The following ITGAV variants were observed in gnomAD, a reference collection of about 807,000 sequenced individuals.
The protein encoded by ITGAV is integrin subunit alpha V.
ITGAV carries 76 observed loss-of-function variants against 143.8 expected under a neutral mutation model. The observed-to-expected ratio is 0.53, with a 90% CI of 0.44 to 0.64. The LOEUF is 0.64. Ranked by LOEUF, ITGAV falls within the 30% of genes least tolerant of loss-of-function variation. The pLI, the probability that ITGAV is intolerant of heterozygous loss-of-function variation, is 0.00. For missense variants in ITGAV, 1,193 were observed against 1,274.7 expected, an observed-to-expected ratio of 0.94 and a Z score of 0.98; for synonymous variants, 453 against 446.7, an observed-to-expected ratio of 1.01 and a Z score of -0.18.
chr2:186,605,659 A>G (rs1296344024), intron 2 of ITGAV, among the ~76,000 whole-genome samples: 1 of 151,696 alleles, frequency 6.6e-6, no homozygotes, highest in Admixed American at 6.6e-5. Flanking sequence ...TTAGTGCTGA[A>G]TAAATTGAAG....
At position 186,677,382 on chromosome 2, in the gene ITGAV, C is replaced by A; in HGVS notation, c.*90C>A. On this transcript the variant is annotated 3_prime_UTR_variant, in exon 30 of 30. Transcript: ENST00000261023. ...ACTTTCTTCATGAGGAGTAAAAATC[C>A]AAGGCTTTACTGCTGATAGTGCTAA... The A allele has an allele frequency of 1.1e-6, 1 of 907,002 alleles. No homozygotes were observed. The highest frequency in any genetic ancestry group is 1.8e-6 in the Non-Finnish European group (1 of 569,244). 56.2% of individuals were successfully genotyped at this position (907,002 alleles called of 1,614,324 possible). A position where few individuals can be genotyped will look rare whatever the true frequency, so the allele number is the denominator to read the frequency against.
intron 2 of ITGAV, among the ~76,000 whole-genome samples, chr2:186,614,001 A>G (rs1382411227): frequency 6.6e-6 from 1 of 152,140 alleles, no homozygotes; most frequent in Non-Finnish European, 1.5e-5. Context: ...AGCTTGTGTG[A>G]TTAAAATTTT....
chr2:186,611,747 C>T (rs1225274097), intron 2 of ITGAV, among the ~76,000 whole-genome samples: 2 of 152,112 alleles, frequency 1.3e-5, no homozygotes, highest in African/African-American at 4.8e-5. Context: ...ACCTACCTCT[C>T]AGGGTTGCCA....
intron 12 of ITGAV, among the ~76,000 whole-genome samples, chr2:186,641,855 C>A (rs1048198571): frequency 6.6e-6 from 1 of 152,292 alleles, no homozygotes; most frequent in South Asian, 2.1e-4. Flanking sequence ...TGAAAGGAAC[C>A]TTCATTACCC....
intron 15 of ITGAV, 66 bp downstream of exon 15, chr2:186,652,155 A>T: frequency 1.0e-6 from 1 of 982,142 alleles, no homozygotes; most frequent in Non-Finnish European, 1.6e-6. Context: ...AGAACAATTG[A>T]AAATGAAGGT....
At chr2:186,609,037 G>A (rs1288311383) in intron 2 of ITGAV, among the ~76,000 whole-genome samples, 3 of 152,092 alleles carry the variant, frequency 2.0e-5, no homozygotes, top group Non-Finnish European at 4.4e-5. Context: ...GTCTGTTTGG[G>A]TGAGTCTAAG....
Position 186,625,676 on chromosome 2 carries a change from TGTGA to T in ITGAV, c.523+91_523+94del, listed in dbSNP as rs753750451. The T allele has an allele frequency of 1.6e-4, 91 of 557,206 alleles. 2 individuals carry two copies. Among genetic ancestry groups the T allele is most frequent in the Middle Eastern group, 1.2e-3 (4 of 3,366 alleles). The allele number at this position is 557,206 out of a possible 1,614,324, so 34.5% of individuals were successfully genotyped here. The stretch of plus-strand genomic sequence containing the variant: ...ATGTGTGTGTGGGTGTGTGTGTGTG[TGTGA>T]GAGAGAGAGATATTAAAAGATATAG... On this transcript the variant is annotated intron_variant, in intron 4 of 29. Transcript: ENST00000261023.
intron 10 of ITGAV, among the ~76,000 whole-genome samples, chr2:186,640,169 G>C (rs1688062509): frequency 1.3e-5 from 2 of 151,992 alleles, no homozygotes; most frequent in African/African-American, 4.8e-5. Context: ...TGCACTTTCA[G>C]CTCTCTTTAG....
Position 186,636,191 on chromosome 2 carries a change from T to C in ITGAV, c.741T>C (p.Phe247=). ...QLATRTAQAI[F]DDSYLGYSVA... ...CAACTCGGACTGCACAAGCTATTTT[T>C]GATGACAGCTATTTGGGTAGGTAAA... Residue 247 remains phenylalanine, a synonymous_variant, in exon 7 of 30, where the codon TTT becomes TTC. Transcript: ENST00000261023. The C allele has an allele frequency of 6.2e-7, 1 of 1,612,430 alleles. No homozygotes were observed. The highest frequency in any genetic ancestry group is 8.5e-7 in the Non-Finnish European group (1 of 1,179,338).
intron 10 of ITGAV, 121 bp downstream of exon 10, chr2:186,638,586 C>A: frequency 1.4e-6 from 1 of 709,626 alleles, no homozygotes; most frequent in Non-Finnish European, 2.4e-6. Context: ...ATAATTCTTC[C>A]AACTCTTACC....
intron 7 of ITGAV, among the ~76,000 whole-genome samples, chr2:186,636,427 ATAGC>A (rs1267927796): frequency 2.6e-5 from 4 of 152,236 alleles, no homozygotes; most frequent in African/African-American, 9.6e-5. Flanking sequence ...GATAATAATA[ATAGC>A]TAGCCTTTAA....
intron 13 of ITGAV, 64 bp from the exon 14 acceptor site, chr2:186,649,776 A>G: frequency 9.3e-7 from 1 of 1,074,118 alleles, no homozygotes; most frequent in Non-Finnish European, 1.3e-6. Flanking sequence ...AAAATTTTAT[A>G]GAATGGTATA....
Position 186,675,867 on chromosome 2 carries a change from T to G in ITGAV, c.2868T>G (p.Phe956Leu). 1 of 1,609,984 alleles carries G rather than the reference T, an allele frequency of 6.2e-7. No individual in the cohort carries two copies. ...HSYSLKSSAS[F>L]NVIEFPYKNL... is the part of the protein sequence containing the mutation. ...ATTCTCTGAAGTCGTCTGCTTCATT[T>G]AATGTCATAGAGTTTCCTTATAAGA... Residue 956 changes from phenylalanine (F) to leucine (L), a missense_variant, in exon 28 of 30, where the codon TTT (phenylalanine) becomes TTG (leucine). By Grantham distance (22) the Phe-to-Leu change is conservative. Coordinates refer to ENST00000261023, the MANE Select transcript of ITGAV (RefSeq NM_002210.5).
At chr2:186,601,934 C>G in intron 1 of ITGAV, 87 bp from the exon 2 acceptor site, 1 of 1,311,078 alleles carries the variant, frequency 7.6e-7, no homozygotes. Context: ...TAGATAATAT[C>G]AAGAGAATGA....
chr2:186,598,517 A>C (rs936076746), intron 1 of ITGAV, among the ~76,000 whole-genome samples: 5 of 148,102 alleles, frequency 3.4e-5, no homozygotes, highest in Admixed American at 2.8e-4. Context: ...GGCTCACTGC[A>C]ATCTCCACCT....
Position 186,675,935 on chromosome 2 carries a change from A to G in ITGAV, c.2928+8A>G. On this transcript the variant is annotated splice_region_variant and intron_variant, in intron 28 of 29. Coordinates refer to ENST00000261023, the MANE Select transcript of ITGAV (RefSeq NM_002210.5). ...ATCACCAACTCCACATTGGTAAGTC[A>G]TTGGTTTAGGCAAATAGAATAAATT... 1.4e-6 allele frequency: 2 copies of G among 1,412,560 alleles called. No homozygotes were observed. Among genetic ancestry groups the G allele is most frequent in the Non-Finnish European group, 2.0e-6 (2 of 999,286 alleles). The allele number at this position is 1,412,560 out of a possible 1,614,324, so 87.5% of individuals were successfully genotyped here.
chr2:186,616,273 A>ATT lies in ITGAV; in HGVS notation c.317-6044_317-6043dup, dbSNP rs35938539. ...CAGCTCTGAGTCAATGATATACCTT[A>ATT]TTTTTTTTTTTTTTTTTTTTTTTGA... On this transcript the variant is annotated intron_variant, in intron 2 of 29. Transcript: ENST00000261023. 4.2e-3 allele frequency among the ~76,000 whole-genome samples: 337 copies of ATT among 79,554 alleles called. 3 individuals carry two copies. The highest frequency in any genetic ancestry group is 0.011 in the African/African-American group (236 of 21,662). The allele number at this position is 79,554 out of a possible 152,430, so 52.2% of individuals were successfully genotyped here.
chr2:186,646,101 GAT>G (rs1273665694), intron 12 of ITGAV, among the ~76,000 whole-genome samples: 4 of 152,222 alleles, frequency 2.6e-5, no homozygotes, highest in Non-Finnish European at 4.4e-5. Context: ...AGGTAGAAAA[GAT>G]AATTTGGTGT....
chr2:186,663,882 G>C, intron 19 of ITGAV, 47 bp downstream of exon 19: 1 of 1,275,440 alleles, frequency 7.8e-7, no homozygotes, highest in Non-Finnish European at 1.1e-6. Flanking sequence ...TTAAATGGAA[G>C]GGCACATTTT....
Sources: gnomAD v4.1 joint callset for allele counts (sites outside exome capture counted in the v4.1 genomes callset) on GRCh38, gnomAD v4.1.1 for gene constraint, MANE v1.5 for transcripts, NCBI Gene and HGNC (gene_info 2026-07-23, HGNC 2026-07-21) for gene names.